The following PSPC1 variants were observed in gnomAD, a reference collection of about 807,000 sequenced individuals.
PSPC1 encodes paraspeckle component 1.
A neutral mutation model predicts 51.6 loss-of-function variants in PSPC1; 14 were observed. The ratio of observed to expected loss-of-function variants is 0.27; its 90% CI spans 0.18 to 0.42. The LOEUF (loss-of-function observed/expected upper bound fraction) is 0.42, where lower values mean the gene tolerates loss of function less well. Ranked by LOEUF, PSPC1 falls within the 10% of genes least tolerant of loss-of-function variation. The pLI, the probability that PSPC1 is intolerant of heterozygous loss-of-function variation, is 1.00. For synonymous variants in PSPC1, 193 were observed against 231.9 expected (o/e 0.83, Z 1.53); for missense variants, 406 against 701.1 (o/e 0.58, Z 4.75).
At chr13:19,775,003 CTTCT>C (rs1888969025) in intron 1 of PSPC1, among the ~76,000 whole-genome samples, 1 of 151,734 alleles carries the variant, frequency 6.6e-6, no homozygotes, top group South Asian at 2.1e-4. Flanking sequence ...AGCAAGACCT[CTTCT>C]TTATTCCTTT....
At chr13:19,741,689 C>A in intron 4 of PSPC1, 40 bp from the exon 5 acceptor site, 1 of 1,349,834 alleles carries the variant, frequency 7.4e-7, no homozygotes, top group Non-Finnish European at 1.0e-6. Flanking sequence ...TTTAGTTTCC[C>A]TTTCCATATT....
downstream of PSPC1, chr13:19,674,504 TTGAAAGTGAAGCACCCTCCCAAACGAAGC>T (rs1876410849): frequency 6.6e-6 from 1 of 152,162 alleles, no homozygotes; most frequent in African/African-American, 2.4e-5. Context: ...CTGGGTAGCT[TTGAAAGTGAAGCACCCTCCCAAACGAAGC>T]TGACTGTTTG....
chr13:19,677,822 C>A (rs1179024823), exon 7 of PSPC1: 1 of 488,184 alleles, frequency 2.0e-6, no homozygotes, highest in South Asian at 1.5e-5. Context: ...TCTTTTATCA[C>A]CCTAGAAATA....
At chr13:19,756,633 A>G (rs1265203184) in intron 3 of PSPC1, among the ~76,000 whole-genome samples, 1 of 151,914 alleles carries the variant, frequency 6.6e-6, no homozygotes, top group Admixed American at 6.6e-5. Context: ...CTGAGTAGCT[A>G]GAATTACAGA....
chr13:19,707,101 A>G (rs1443783231), intron 7 of PSPC1, among the ~76,000 whole-genome samples: 8 of 152,130 alleles, frequency 5.3e-5, no homozygotes, highest in Admixed American at 2.0e-4. Context: ...CCCCCAGAAA[A>G]CAAACTAAGT....
At chr13:19,706,957 C>G (rs1429050099) in intron 7 of PSPC1, among the ~76,000 whole-genome samples, 1 of 152,078 alleles carries the variant, frequency 6.6e-6, no homozygotes, top group African/African-American at 2.4e-5. Flanking sequence ...ATGCTCTTGC[C>G]GATAAACAGA....
chr13:19,717,728 A>T (rs939790277), intron 6 of PSPC1, among the ~76,000 whole-genome samples: 1 of 148,286 alleles, frequency 6.7e-6, no homozygotes, highest in Non-Finnish European at 1.5e-5. Flanking sequence ...AAAAAAAAAA[A>T]GTTAGCCGGG....
At chr13:19,697,830 A>G (rs575124812), downstream of PSPC1, among the ~76,000 whole-genome samples, 66 of 152,266 alleles carry the variant, frequency 4.3e-4, no homozygotes, top group Admixed American at 8.5e-4. Flanking sequence ...GATTTACATT[A>G]TCTAATAATG....
intron 6 of PSPC1, among the ~76,000 whole-genome samples, chr13:19,714,900 C>A (rs941649373): frequency 6.6e-6 from 1 of 152,188 alleles, no homozygotes; most frequent in Non-Finnish European, 1.5e-5. Flanking sequence ...CTTATCACTT[C>A]TCCGTATAAA....
chr13:19,714,614 C>G (rs1593599885), intron 6 of PSPC1, among the ~76,000 whole-genome samples: 1 of 27,948 alleles, frequency 3.6e-5, no homozygotes, highest in South Asian at 4.0e-3. Flanking sequence ...CCTGCCTCAG[C>G]CTCAAGGGTA....
At chr13:19,735,255 C>T (rs1002221703) in intron 5 of PSPC1, among the ~76,000 whole-genome samples, 4 of 151,716 alleles carry the variant, frequency 2.6e-5, no homozygotes, top group African/African-American at 4.8e-5. Flanking sequence ...GAGGTTGCAG[C>T]GACCGAGATC....
intron 6 of PSPC1, among the ~76,000 whole-genome samples, chr13:19,709,931 G>A (rs552759506): frequency 1.4e-4 from 22 of 152,014 alleles, no homozygotes; most frequent in African/African-American, 5.1e-4. Flanking sequence ...GGAAAATCTA[G>A]TAATGATAAC....
At chr13:19,721,127 T>C (rs1447757637) in intron 6 of PSPC1, among the ~76,000 whole-genome samples, 4 of 152,276 alleles carry the variant, frequency 2.6e-5, no homozygotes, top group African/African-American at 9.6e-5. Context: ...TAGAAGATCT[T>C]AGATACTGAC....
intron 4 of PSPC1, among the ~76,000 whole-genome samples, chr13:19,743,578 T>G (rs773408051): frequency 1.7e-4 from 26 of 152,154 alleles, no homozygotes; most frequent in Non-Finnish European, 3.1e-4. Context: ...CCAAAGCTCT[T>G]TCAAAAAAGT....
At chr13:19,683,324 T>C (rs1256013746) in intron 6 of PSPC1, among the ~76,000 whole-genome samples, 4 of 152,158 alleles carry the variant, frequency 2.6e-5, no homozygotes, top group Non-Finnish European at 5.9e-5. Context: ...AGATATGTCA[T>C]TGAGCAGAAT....
chr13:19,679,423 G>A (rs568335125), intron 6 of PSPC1, among the ~76,000 whole-genome samples: 3 of 152,274 alleles, frequency 2.0e-5, no homozygotes, highest in South Asian at 2.1e-4. Flanking sequence ...TTGAGCCCAC[G>A]ATGTGGAGGT....
At chr13:19,756,904 C>A (rs1350287664) in intron 3 of PSPC1, among the ~76,000 whole-genome samples, 6 of 151,792 alleles carry the variant, frequency 4.0e-5, no homozygotes, top group Non-Finnish European at 7.4e-5. Context: ...CCAAGGCAGG[C>A]GGATCACAAG....
At chr13:19,700,918 AT>A (rs1452289230), downstream of PSPC1, among the ~76,000 whole-genome samples, 1 of 152,232 alleles carries the variant, frequency 6.6e-6, no homozygotes, top group African/African-American at 2.4e-5. Context: ...AGAAAAAAAA[AT>A]TGACTGAACC....
intron 4 of PSPC1, among the ~76,000 whole-genome samples, chr13:19,746,579 G>T (rs1470806053): frequency 6.6e-6 from 1 of 151,402 alleles, no homozygotes; most frequent in East Asian, 2.0e-4. Flanking sequence ...ACAAAAATTA[G>T]CCGGGTATGG....
Sources: gnomAD v4.1 joint callset for allele counts (sites outside exome capture counted in the v4.1 genomes callset) on GRCh38, gnomAD v4.1.1 for gene constraint, MANE v1.5 for transcripts, NCBI Gene and HGNC (gene_info 2026-07-23, HGNC 2026-07-21) for gene names.